Variants in INPP4B observed in about 807,000 individuals in gnomAD.
INPP4B encodes the protein inositol polyphosphate-4-phosphatase type II B.
INPP4B carries 55 observed loss-of-function variants against 122.5 expected under a neutral mutation model. The observed-to-expected ratio is 0.45, with a 90% CI of 0.36 to 0.56. The LOEUF is 0.56. INPP4B is among the 20% of genes least tolerant of loss of function. INPP4B has a pLI of 0.00. For synonymous variants in INPP4B, 403 were observed against 388.7 expected (o/e 1.04, Z -0.43); for missense variants, 1,000 against 1,097.7 (o/e 0.91, Z 1.26).
At chr4:142,097,154 CA>C (rs1315092820) in intron 23 of INPP4B, among the ~76,000 whole-genome samples, 1 of 151,896 alleles carries the variant, frequency 6.6e-6, no homozygotes, top group African/African-American at 2.4e-5. Context: ...CCAGGTCATA[CA>C]TTTTTTTATT....
intron 5 of INPP4B, among the ~76,000 whole-genome samples, chr4:142,415,704 G>A (rs1336629780): frequency 7.9e-5 from 12 of 152,202 alleles, no homozygotes; most frequent in African/African-American, 1.4e-4. Flanking sequence ...ACGTGCACAC[G>A]TATGTTTATT....
intron 1 of INPP4B, among the ~76,000 whole-genome samples, chr4:142,810,053 C>G (rs1357999917): frequency 6.6e-6 from 1 of 151,294 alleles, no homozygotes; most frequent in African/African-American, 2.4e-5. Flanking sequence ...GCCTGTAATC[C>G]CAGCTACTCG....
At chr4:142,398,798 G>A (rs970854299) in intron 7 of INPP4B, among the ~76,000 whole-genome samples, 1 of 152,144 alleles carries the variant, frequency 6.6e-6, no homozygotes, top group Non-Finnish European at 1.5e-5. Context: ...TTCAAATACA[G>A]GGTTGCTAGT....
chr4:142,748,576 A>G (rs565723957), intron 1 of INPP4B, among the ~76,000 whole-genome samples: 5 of 152,126 alleles, frequency 3.3e-5, no homozygotes, highest in African/African-American at 1.2e-4. Flanking sequence ...TTAAATGGAT[A>G]ATAAAATATA....
chr4:142,124,745 T>A lies in INPP4B; in HGVS notation c.1736A>T (p.Gln579Leu), dbSNP rs1183673525. ...CAGGGTAAGGATGAGGGGATACAAC[T>A]GTTCATACCAGTCCTCTGGGGGAAG... The part of the protein sequence containing the change: ...PSHPREDWYE[Q>L]LYPLILTLKD... Residue 579 changes from glutamine (Q) to leucine (L), a missense_variant, in exon 19 of 26, where the codon CAG becomes CTG. By Grantham distance (113) the Gln-to-Leu change is moderately radical. Coordinates refer to ENST00000262992, the MANE Select transcript of INPP4B (RefSeq NM_001101669.3). The A allele has an allele frequency of 6.4e-7, 1 of 1,571,080 alleles. No individual in the cohort carries two copies. Among genetic ancestry groups the A allele is most frequent in the Non-Finnish European group, 8.7e-7 (1 of 1,151,442 alleles).
intron 7 of INPP4B, among the ~76,000 whole-genome samples, chr4:142,325,032 C>T (rs912808323): frequency 3.9e-5 from 6 of 152,180 alleles, no homozygotes; most frequent in Non-Finnish European, 8.8e-5. Flanking sequence ...TCATGGCTCC[C>T]GATAGCTCAG....
intron 6 of INPP4B, among the ~76,000 whole-genome samples, chr4:142,403,520 G>T (rs1255997371): frequency 6.6e-6 from 1 of 151,840 alleles, no homozygotes; most frequent in Non-Finnish European, 1.5e-5. Flanking sequence ...GTGTCCATTT[G>T]TTTTTAGATG....
intron 2 of INPP4B, among the ~76,000 whole-genome samples, chr4:142,701,123 G>A (rs564015712): frequency 6.6e-6 from 1 of 152,236 alleles, no homozygotes; most frequent in South Asian, 2.1e-4. Context: ...TATATGGCAA[G>A]AGCAAACTGG....
intron 2 of INPP4B, among the ~76,000 whole-genome samples, chr4:142,477,345 AG>A (rs1466980185): frequency 1.3e-5 from 2 of 152,142 alleles, no homozygotes; most frequent in African/African-American, 4.8e-5. Flanking sequence ...TCAAAAAGTT[AG>A]ATTTCAAATT....
At chr4:142,375,872 G>A (rs1375787163) in intron 7 of INPP4B, among the ~76,000 whole-genome samples, 3 of 151,798 alleles carry the variant, frequency 2.0e-5, no homozygotes, top group Admixed American at 1.3e-4. Flanking sequence ...GCCCACACCT[G>A]GACTTTTTGC....
At chr4:142,062,607 G>A (rs141026798) in intron 25 of INPP4B, among the ~76,000 whole-genome samples, 1,731 of 151,876 alleles carry the variant, frequency 0.011, 38 homozygotes, top group African/African-American at 0.039. Flanking sequence ...ATGGCGGTGC[G>A]CACCTGTAGT....
At chr4:142,177,725 G>A (rs1384119516) in intron 15 of INPP4B, among the ~76,000 whole-genome samples, 1 of 151,924 alleles carries the variant, frequency 6.6e-6, no homozygotes, top group African/African-American at 2.4e-5. Context: ...TCACGTTTGT[G>A]TGTGTATATG....
chr4:142,118,659 A>G (rs1215332776), intron 21 of INPP4B, among the ~76,000 whole-genome samples: 1 of 152,198 alleles, frequency 6.6e-6, no homozygotes, highest in Non-Finnish European at 1.5e-5. Context: ...TGGATTAAAG[A>G]CTTAAATGTC....
intron 7 of INPP4B, among the ~76,000 whole-genome samples, chr4:142,369,836 CAGA>C (rs1398399459): frequency 6.7e-6 from 1 of 148,512 alleles, no homozygotes; most frequent in Admixed American, 6.8e-5. Flanking sequence ...GAGGCTGAGG[CAGA>C]AGAATTGCTT....
chr4:142,332,393 C>A (rs1387241392), intron 7 of INPP4B, among the ~76,000 whole-genome samples: 1 of 151,610 alleles, frequency 6.6e-6, no homozygotes, highest in African/African-American at 2.4e-5. Context: ...ATGGGCATAT[C>A]AATATTCATG....
intron 2 of INPP4B, among the ~76,000 whole-genome samples, chr4:142,537,707 A>G (rs1376027371): frequency 2.0e-5 from 3 of 149,316 alleles, no homozygotes; most frequent in African/African-American, 7.4e-5. Context: ...CTTTGCTTAT[A>G]TATGTGTGTC....
chr4:142,294,634 A>G (rs1757793199), intron 9 of INPP4B, among the ~76,000 whole-genome samples: 1 of 151,774 alleles, frequency 6.6e-6, no homozygotes. Flanking sequence ...AAAAAGCATG[A>G]GAATAGGGAT....
intron 2 of INPP4B, among the ~76,000 whole-genome samples, chr4:142,613,046 A>T (rs1296970634): frequency 6.6e-6 from 1 of 152,140 alleles, no homozygotes; most frequent in African/African-American, 2.4e-5. Context: ...TCTTCCTGCT[A>T]ATTAGAATGT....
chr4:142,542,429 A>G (rs2150037070), intron 2 of INPP4B, among the ~76,000 whole-genome samples: 1 of 152,310 alleles, frequency 6.6e-6, no homozygotes, highest in African/African-American at 2.4e-5. Context: ...CAGAAAGTGA[A>G]TAAATCATCT....
Sources: gnomAD v4.1 joint callset for allele counts (sites outside exome capture counted in the v4.1 genomes callset) on GRCh38, gnomAD v4.1.1 for gene constraint, MANE v1.5 for transcripts, NCBI Gene and HGNC (gene_info 2026-07-23, HGNC 2026-07-21) for gene names.